Variants in FMN1 observed in about 807,000 individuals in gnomAD.
The protein encoded by FMN1 is formin-1.
In FMN1, 110 loss-of-function variants were observed where a neutral mutation model predicts 132.4. The observed-to-expected ratio is 0.83, with a 90% CI of 0.71 to 0.97. The LOEUF (loss-of-function observed/expected upper bound fraction) is 0.97. FMN1 is among the 50% of genes least tolerant of loss of function. FMN1 has a pLI of 0.00. For synonymous variants in FMN1, 722 were observed against 651.7 expected (o/e 1.11, Z -1.64); for missense variants, 1,792 against 1,705.3 (o/e 1.05, Z -0.90).
intron 3 of FMN1, among the ~76,000 whole-genome samples, chr15:33,157,518 G>A (rs915975427): frequency 6.6e-6 from 1 of 152,158 alleles, no homozygotes; most frequent in African/African-American, 2.4e-5. Context: ...TTCAAACCCA[G>A]ATCTCTCTCA....
intron 4 of FMN1, chr15:33,150,335 A>T: frequency 1.0e-6 from 1 of 985,484 alleles, no homozygotes; most frequent in Non-Finnish European, 1.2e-6. Flanking sequence ...ATTCCACATC[A>T]GTCTCCACCC....
intron 17 of FMN1, among the ~76,000 whole-genome samples, chr15:32,840,126 A>C (rs1400952096): frequency 6.6e-6 from 1 of 152,180 alleles, no homozygotes; most frequent in Non-Finnish European, 1.5e-5. Flanking sequence ...TCTGTGGGCG[A>C]AACTCAGCAC....
chr15:33,001,833 T>C (rs1046283834), intron 7 of FMN1, among the ~76,000 whole-genome samples: 21 of 151,930 alleles, frequency 1.4e-4, no homozygotes, highest in African/African-American at 4.8e-4. Context: ...GGAGCAGCCT[T>C]GTGCCCTTTC....
chr15:32,869,245 C>T (rs900698118), intron 16 of FMN1, among the ~76,000 whole-genome samples: 3 of 150,536 alleles, frequency 2.0e-5, no homozygotes, highest in Non-Finnish European at 4.4e-5. Context: ...AAAGAGTGTG[C>T]GTAGGGGAGA....
At chr15:33,048,644 A>AAAAAAAAAAAC in intron 6 of FMN1, among the ~76,000 whole-genome samples, 1 of 86,920 alleles carries the variant, frequency 1.2e-5, no homozygotes, top group Non-Finnish European at 2.4e-5. Flanking sequence ...AAAAAAAAAA[A>AAAAAAAAAAAC]AAAAACCAAC....
At chr15:32,983,460 T>G (rs1205634982) in intron 7 of FMN1, among the ~76,000 whole-genome samples, 1 of 152,200 alleles carries the variant, frequency 6.6e-6, no homozygotes, top group African/African-American at 2.4e-5. Context: ...ACATTTTTGG[T>G]GAAACCTCAG....
intron 6 of FMN1, among the ~76,000 whole-genome samples, chr15:33,019,384 C>A (rs1270364092): frequency 6.6e-6 from 1 of 152,222 alleles, no homozygotes; most frequent in African/African-American, 2.4e-5. Flanking sequence ...CATAAAGATT[C>A]TCCAAGACCC....
chr15:32,924,987 AT>A (rs1174670892), intron 10 of FMN1, among the ~76,000 whole-genome samples: 7 of 152,210 alleles, frequency 4.6e-5, no homozygotes, highest in African/African-American at 1.7e-4. Flanking sequence ...AAAGGGGAGT[AT>A]TGTTTTCATG....
chr15:32,847,898 G>A (rs1345332263), intron 17 of FMN1, among the ~76,000 whole-genome samples: 1 of 151,996 alleles, frequency 6.6e-6, no homozygotes, highest in Admixed American at 6.6e-5. Flanking sequence ...GGCCTAAAAT[G>A]CAAATACCCA....
At chr15:32,927,713 G>A (rs989448412) in intron 9 of FMN1, among the ~76,000 whole-genome samples, 5 of 152,146 alleles carry the variant, frequency 3.3e-5, no homozygotes, top group Non-Finnish European at 5.9e-5. Context: ...TCAGCTCCCT[G>A]GTAACATATC....
At chr15:33,019,504 C>G (rs1270508122) in intron 6 of FMN1, among the ~76,000 whole-genome samples, 5 of 152,206 alleles carry the variant, frequency 3.3e-5, no homozygotes, top group African/African-American at 9.6e-5. Context: ...CTTGGGCGGT[C>G]GATGGGACCG....
At chr15:32,900,674 ACTTTAT>A (rs1327748200) in intron 13 of FMN1, among the ~76,000 whole-genome samples, 14 of 152,170 alleles carry the variant, frequency 9.2e-5, no homozygotes, top group Admixed American at 7.2e-4. Context: ...TATTAAACTT[ACTTTAT>A]TAAGTGCTTG....
At chr15:32,918,990 T>C (rs1343767145) in intron 10 of FMN1, among the ~76,000 whole-genome samples, 3 of 152,206 alleles carry the variant, frequency 2.0e-5, no homozygotes, top group Non-Finnish European at 4.4e-5. Flanking sequence ...CTTATATTTA[T>C]CTAACATTTT....
rs748227313 is a variant in FMN1, at chr15:32,888,172, C to G, written c.3835G>C (p.Ala1279Pro). 6.2e-7 allele frequency: 1 copy of G among 1,604,120 alleles called. No individual in the cohort carries two copies. The highest frequency in any genetic ancestry group is 1.1e-5 in the South Asian group (1 of 88,716). Residue 1279 changes from alanine (A) to proline (P), a missense_variant and splice_region_variant, in exon 16 of 21, where the codon GCA becomes CCA. Ala to Pro is a conservative substitution (Grantham distance 27). Transcript: ENST00000616417. ...ATAATAGCAGAACAGTTCCTATTAC[C>G]TTCTAGTTGCCTCTTCAGTTTTCTC... ...DLRKLKRQLE[A>P]SEKQMVVVCK...
At chr15:33,101,747 T>G (rs536741678) in intron 4 of FMN1, among the ~76,000 whole-genome samples, 20 of 152,298 alleles carry the variant, frequency 1.3e-4, no homozygotes, top group African/African-American at 4.6e-4. Context: ...TTATGACATT[T>G]CCCTTCTCAT....
At chr15:32,940,720 T>A (rs2061383586) in intron 9 of FMN1, among the ~76,000 whole-genome samples, 1 of 152,080 alleles carries the variant, frequency 6.6e-6, no homozygotes, top group Non-Finnish European at 1.5e-5. Flanking sequence ...AACCTCTCCA[T>A]CAGAGTCTTG....
At chr15:33,161,552 C>A (rs988106628) in intron 3 of FMN1, among the ~76,000 whole-genome samples, 8 of 152,096 alleles carry the variant, frequency 5.3e-5, no homozygotes. Flanking sequence ...TGATTTTGGA[C>A]AAGTTATTGC....
intron 7 of FMN1, among the ~76,000 whole-genome samples, chr15:33,002,112 T>C (rs1017724422): frequency 3.9e-5 from 6 of 152,212 alleles, no homozygotes; most frequent in African/African-American, 7.2e-5. Flanking sequence ...TTAAATTCTA[T>C]GAAAACATTC....
chr15:32,907,003 G>A (rs1021440415), intron 12 of FMN1, among the ~76,000 whole-genome samples: 3 of 152,102 alleles, frequency 2.0e-5, no homozygotes, highest in Non-Finnish European at 4.4e-5. Context: ...AGCCATTTAA[G>A]ATGTTTTCCT....
Sources: gnomAD v4.1 joint callset for allele counts (sites outside exome capture counted in the v4.1 genomes callset) on GRCh38, gnomAD v4.1.1 for gene constraint, MANE v1.5 for transcripts, NCBI Gene and HGNC (gene_info 2026-07-23, HGNC 2026-07-21) for gene names.